Variants in TBCK observed in about 807,000 individuals in gnomAD.
TBCK encodes the protein TBC1 domain containing kinase, also known as TBC domain-containing protein kinase-like protein.
A neutral mutation model predicts 113.4 loss-of-function variants in TBCK; 99 were observed. That is an observed-to-expected ratio of 0.87 (90% CI 0.74 to 1.03). The LOEUF (loss-of-function observed/expected upper bound fraction) is 1.03, where lower values mean the gene tolerates loss of function less well. TBCK is among the 50% of genes least tolerant of loss of function. The pLI, the probability that TBCK is intolerant of heterozygous loss-of-function variation, is 0.00. For synonymous variants in TBCK, 369 were observed against 370.8 expected (o/e 1.00, Z 0.05); for missense variants, 1,045 against 1,061.3 (o/e 0.98, Z 0.21).
intron 23 of TBCK, among the ~76,000 whole-genome samples, chr4:106,164,848 C>A (rs1014421152): frequency 6.6e-6 from 1 of 151,484 alleles, no homozygotes; most frequent in African/African-American, 2.4e-5. Flanking sequence ...TAAAAATGTG[C>A]TTTAAATAAG....
At chr4:106,058,016 C>A (rs538059960) in intron 25 of TBCK, among the ~76,000 whole-genome samples, 63 of 151,812 alleles carry the variant, frequency 4.1e-4, no homozygotes, top group African/African-American at 1.5e-3. Context: ...GCAACTTGTG[C>A]AAAGGTGTAG....
intron 24 of TBCK, among the ~76,000 whole-genome samples, chr4:106,096,257 G>T (rs956431479): frequency 6.6e-6 from 1 of 152,060 alleles, no homozygotes; most frequent in Non-Finnish European, 1.5e-5. Flanking sequence ...GAAGAGTAAT[G>T]ACTTTTCTCT....
chr4:106,140,472 A>G (rs1747045885), intron 23 of TBCK, among the ~76,000 whole-genome samples: 1 of 140,860 alleles, frequency 7.1e-6, no homozygotes, highest in Admixed American at 7.0e-5. Context: ...AATAAAAAAA[A>G]CTACATATAA....
At chr4:106,068,308 C>A (rs550195419) in intron 25 of TBCK, among the ~76,000 whole-genome samples, 2 of 152,094 alleles carry the variant, frequency 1.3e-5, no homozygotes, top group Admixed American at 1.3e-4. Flanking sequence ...CCCATCCCCC[C>A]ACCCCACACC....
intron 23 of TBCK, among the ~76,000 whole-genome samples, chr4:106,150,027 T>C (rs774336757): frequency 6.6e-6 from 1 of 152,230 alleles, no homozygotes; most frequent in African/African-American, 2.4e-5. Context: ...AATTCTGTTG[T>C]TCCTGTTTAG....
chr4:106,084,463 C>G (rs974850622), intron 25 of TBCK, among the ~76,000 whole-genome samples: 1 of 152,014 alleles, frequency 6.6e-6, no homozygotes, highest in South Asian at 2.1e-4. Flanking sequence ...TATGATCGAC[C>G]GGAGTACCAG....
chr4:106,153,596 C>T (rs1748774340), intron 23 of TBCK, among the ~76,000 whole-genome samples: 1 of 152,016 alleles, frequency 6.6e-6, no homozygotes, highest in Admixed American at 6.6e-5. Flanking sequence ...GTCTATAATG[C>T]AGGTTAAGTT....
At chr4:106,271,876 C>T (rs1047483095) in intron 3 of TBCK, among the ~76,000 whole-genome samples, 2 of 152,024 alleles carry the variant, frequency 1.3e-5, no homozygotes, top group Non-Finnish European at 2.9e-5. Context: ...TTTTAAGAAC[C>T]TTTCATCAAA....
chr4:106,091,357 G>A (rs1447413137), intron 25 of TBCK, among the ~76,000 whole-genome samples: 4 of 152,210 alleles, frequency 2.6e-5, no homozygotes, highest in Non-Finnish European at 4.4e-5. Context: ...CATTCACGAA[G>A]GATCTGCCCC....
chr4:106,175,426 G>C (rs2149754320), intron 22 of TBCK, among the ~76,000 whole-genome samples: 1 of 151,198 alleles, frequency 6.6e-6, no homozygotes, highest in Middle Eastern at 3.4e-3. Flanking sequence ...GGTAATTTGG[G>C]GACATGGTTA....
chr4:106,169,160 T>C (rs929468600), intron 23 of TBCK, among the ~76,000 whole-genome samples: 1 of 152,126 alleles, frequency 6.6e-6, no homozygotes, highest in Admixed American at 6.6e-5. Flanking sequence ...GTAGATTCAA[T>C]GTAATCCCAA....
chr4:106,207,168 A>C, intron 20 of TBCK, among the ~76,000 whole-genome samples: 1 of 152,234 alleles, frequency 6.6e-6, no homozygotes, highest in East Asian at 1.9e-4. Flanking sequence ...TTTATATGTA[A>C]ATCACATAAC....
At chr4:106,261,354 C>T (rs1762488909) in intron 4 of TBCK, among the ~76,000 whole-genome samples, 2 of 151,982 alleles carry the variant, frequency 1.3e-5, no homozygotes, top group African/African-American at 2.4e-5. Flanking sequence ...GTGATTATAG[C>T]TCACTGCAGC....
chr4:106,208,158 G>A (rs747705436), intron 20 of TBCK, among the ~76,000 whole-genome samples: 3 of 152,106 alleles, frequency 2.0e-5, no homozygotes, highest in Non-Finnish European at 4.4e-5. Context: ...CACTACCATT[G>A]ATAGCAGCAG....
At chr4:106,236,369 T>A (rs779444808) in intron 14 of TBCK, 21 bp downstream of exon 14, 12 of 1,430,906 alleles carry the variant, frequency 8.4e-6, no homozygotes, top group Non-Finnish European at 1.0e-5. Context: ...TTGTTAACAC[T>A]TTATACTTTA....
intron 1 of TBCK, among the ~76,000 whole-genome samples, chr4:106,313,804 C>G (rs1267301475): frequency 6.6e-6 from 1 of 152,212 alleles, no homozygotes; most frequent in Non-Finnish European, 1.5e-5. Context: ...ATCCACCTAC[C>G]TATTCCCCAG....
At chr4:106,270,048 G>A (rs1024392499) in intron 3 of TBCK, among the ~76,000 whole-genome samples, 7 of 152,032 alleles carry the variant, frequency 4.6e-5, no homozygotes, top group South Asian at 2.1e-4. Flanking sequence ...ATGAGCTATC[G>A]GCCCTGCACA....
At chr4:106,316,441 G>T, upstream of TBCK, 1 of 1,127,180 alleles carries the variant, frequency 8.9e-7, no homozygotes, top group South Asian at 1.3e-5. Flanking sequence ...AGCACAGGAA[G>T]AGGAAGAAAG....
chr4:106,299,042 G>A (rs1766637172), intron 2 of TBCK, among the ~76,000 whole-genome samples: 1 of 152,168 alleles, frequency 6.6e-6, no homozygotes, highest in Non-Finnish European at 1.5e-5. Context: ...GGAATGAGGT[G>A]GGTCTCATCA....
Sources: gnomAD v4.1 joint callset for allele counts (sites outside exome capture counted in the v4.1 genomes callset) on GRCh38, gnomAD v4.1.1 for gene constraint, MANE v1.5 for transcripts, NCBI Gene and HGNC (gene_info 2026-07-23, HGNC 2026-07-21) for gene names.